The following TMED10 variants were observed in gnomAD, a reference collection of about 807,000 sequenced individuals.
The protein encoded by TMED10 is transmembrane emp24 domain-containing protein 10.
TMED10 carries 7 observed loss-of-function variants against 23.1 expected under a neutral mutation model. The ratio of observed to expected loss-of-function variants is 0.30; its 90% CI spans 0.17 to 0.57. The LOEUF (loss-of-function observed/expected upper bound fraction) is 0.57. TMED10 is among the 20% of genes least tolerant of loss of function. TMED10 has a pLI of 0.91. For synonymous variants in TMED10, 113 were observed against 106.9 expected, an observed-to-expected ratio of 1.06 and a Z score of -0.35; for missense variants, 162 against 274.8, an observed-to-expected ratio of 0.59 and a Z score of 2.90.
chr14:75,139,210 AATCT>A, intron 3 of TMED10: 1 of 440,420 alleles, frequency 2.3e-6, no homozygotes, highest in East Asian at 7.1e-5. Context: ...TATAACTTAA[AATCT>A]ATTTATAAAT....
intron 3 of TMED10, among the ~76,000 whole-genome samples, chr14:75,137,361 CAT>C (rs970196443): frequency 3.3e-5 from 5 of 150,176 alleles, no homozygotes; most frequent in South Asian, 2.1e-4. Context: ...AAAGTTTCCA[CAT>C]AGAGAATTCT....
chr14:75,156,040 G>A (rs1896015926), intron 1 of TMED10, among the ~76,000 whole-genome samples: 1 of 152,130 alleles, frequency 6.6e-6, no homozygotes, highest in African/African-American at 2.4e-5. Context: ...AGAATAGCAT[G>A]CTAAGGAGTT....
intron 3 of TMED10, among the ~76,000 whole-genome samples, chr14:75,139,630 C>T (rs1011940023): frequency 3.4e-5 from 4 of 115,942 alleles, no homozygotes; most frequent in African/African-American, 9.1e-5. Context: ...ACTGAGACTC[C>T]GACTCAAAAA....
At chr14:75,166,939 C>CTTTTT (rs35308116) in intron 1 of TMED10, among the ~76,000 whole-genome samples, 2 of 114,558 alleles carry the variant, frequency 1.7e-5, no homozygotes, top group African/African-American at 6.8e-5. Context: ...CATCCTATTC[C>CTTTTT]TTTTTTTTTT....
intron 1 of TMED10, among the ~76,000 whole-genome samples, chr14:75,170,123 A>T: frequency 6.6e-6 from 1 of 152,114 alleles, no homozygotes; most frequent in Non-Finnish European, 1.5e-5. Flanking sequence ...GCTACTTGGG[A>T]GGCTGAGGCA....
Position 75,168,670 on chromosome 14 carries a change from G to A in TMED10, c.225+7685C>T, listed in dbSNP as rs529189495. Reference sequence around the variant, plus strand: ...GCAAGACCCACATAACCTTTAAATGGTGGAGCTGCTGGGATCTGAACCAAA... The same window carrying A: ...GCAAGACCCACATAACCTTTAAATGATGGAGCTGCTGGGATCTGAACCAAA... On this transcript the variant is annotated intron_variant, in intron 1 of 4. Coordinates refer to ENST00000303575, the MANE Select transcript of TMED10 (RefSeq NM_006827.6). Among the ~76,000 whole-genome samples, 151 of 152,248 alleles carry A rather than the reference G, an allele frequency of 9.9e-4. 8 individuals carry two copies. In the South Asian group the frequency reaches 0.03, roughly 30 times the overall value.
rs1329520102 is a variant in TMED10, at chr14:75,135,818, A to G, written c.480T>C (p.Ser160=). 6.2e-7 allele frequency: 1 copy of G among 1,614,200 alleles called. No homozygotes were observed. The highest frequency in any genetic ancestry group is 1.7e-5 in the Admixed American group (1 of 60,028). Residue 160 remains serine, a synonymous_variant, in exon 4 of 5, where the codon TCT becomes TCC. Transcript: ENST00000303575. ...ELRRLEDLSE[S]IVNDFAYMKK... ...TCATGTAGGCAAAATCATTAACAAT[A>G]GATTCTGAAAGGTCTTCTAGGCGTC...
intron 1 of TMED10, among the ~76,000 whole-genome samples, chr14:75,168,625 A>G (rs1409411331): frequency 6.6e-6 from 1 of 152,204 alleles, no homozygotes; most frequent in Admixed American, 6.5e-5. Context: ...GGACCAGAGA[A>G]GAAGGGTTAA....
In TMED10 at chr14:75,147,185, G is replaced by GTTT. The variant is rs71119349; in HGVS notation, c.411+476_411+478dup. ...ACAGCCAGAATTATTCTTCAAGGCTGTTTTTTTTTTTTTTTTTTTTTGAGA... is the reference window on the plus strand; with the variant it reads ...ACAGCCAGAATTATTCTTCAAGGCTGTTTTTTTTTTTTTTTTTTTTTTTTGAGA... On this transcript the variant is annotated intron_variant, in intron 3 of 4. Coordinates refer to ENST00000303575, the MANE Select transcript of TMED10 (RefSeq NM_006827.6). Among the ~76,000 whole-genome samples the GTTT allele has an allele frequency of 1.3e-4, 15 of 116,572 alleles. 1 individual carries two copies. Among genetic ancestry groups the GTTT allele is most frequent in the African/African-American group, 5.0e-4 (13 of 26,254 alleles). The allele number at this position is 116,572 out of a possible 152,430, so 76.5% of individuals were successfully genotyped here.
At chr14:75,141,248 G>A (rs1895818803) in intron 3 of TMED10, among the ~76,000 whole-genome samples, 1 of 152,202 alleles carries the variant, frequency 6.6e-6, no homozygotes, top group African/African-American at 2.4e-5. Flanking sequence ...ATTCAAGGCT[G>A]AGGGGAACCT....
rs552707185 is a variant in TMED10, at chr14:75,162,855, C to G, written c.226-10712G>C. Among the ~76,000 whole-genome samples the G allele has an allele frequency of 8.6e-5, 13 of 151,906 alleles. No individual in the cohort carries two copies. The South Asian group carries it at 2.7e-3, about 32-fold the overall frequency. On this transcript the variant is annotated intron_variant, in intron 1 of 4. Transcript: ENST00000303575. Reference sequence around the variant, plus strand: ...CTCTGTGGTCTTCCTCCCCAAAACCCATAACCTCACCTTATCATGAGAAAA... The same window carrying G: ...CTCTGTGGTCTTCCTCCCCAAAACCGATAACCTCACCTTATCATGAGAAAA...
intron 1 of TMED10, among the ~76,000 whole-genome samples, chr14:75,174,357 T>C (rs898244040): frequency 2.0e-5 from 3 of 152,042 alleles, no homozygotes; most frequent in South Asian, 4.1e-4. Flanking sequence ...ACAAAGCATG[T>C]TGAGAAATTT....
Position 75,132,837 on chromosome 14 carries a change from A to T in TMED10, c.*2048T>A, listed in dbSNP as rs1186453642. ...GTAATTCTTGCCACTGTGATTAAAC[A>T]AGCCCTGTAATAGTCAGCAGGGTTA... On this transcript the variant is annotated 3_prime_UTR_variant, in exon 5 of 5. Transcript: ENST00000303575. The T allele has an allele frequency of 6.6e-6, 1 of 152,606 alleles. No individual in the cohort carries two copies. The highest frequency in any genetic ancestry group is 6.5e-5 in the Admixed American group (1 of 15,288). 9.5% of individuals were successfully genotyped at this position (152,606 alleles called of 1,614,324 possible).
intron 3 of TMED10, among the ~76,000 whole-genome samples, chr14:75,145,583 C>T (rs1415865380): frequency 1.3e-5 from 2 of 152,078 alleles, no homozygotes; most frequent in Non-Finnish European, 2.9e-5. Flanking sequence ...GTCAGGAGAT[C>T]GAGACCATCC....
chr14:75,145,183 G>A (rs751124925), intron 3 of TMED10, among the ~76,000 whole-genome samples: 43 of 152,318 alleles, frequency 2.8e-4, no homozygotes, highest in Middle Eastern at 3.4e-3. Context: ...GTAACTACAT[G>A]CGTAAAGGCA....
Position 75,134,541 on chromosome 14 carries a change from G to T in TMED10, c.*344C>A, listed in dbSNP as rs1895724775. The stretch of plus-strand genomic sequence containing the variant: ...AGCCCAAGCTGCTGAGCAAGTGGGA[G>T]AAGAAAAGAAAACATAGTCCAAACA... On this transcript the variant is annotated 3_prime_UTR_variant, in exon 5 of 5. Transcript: ENST00000303575. The T allele has an allele frequency of 5.7e-6, 1 of 174,052 alleles. No individual in the cohort carries two copies. The highest frequency in any genetic ancestry group is 2.4e-5 in the African/African-American group (1 of 42,374). 10.8% of individuals were successfully genotyped at this position (174,052 alleles called of 1,614,324 possible). A position where few individuals can be genotyped will look rare whatever the true frequency, so the allele number is the denominator to read the frequency against.
intron 1 of TMED10, among the ~76,000 whole-genome samples, chr14:75,152,419 G>A (rs1895965865): frequency 6.6e-6 from 1 of 152,162 alleles, no homozygotes; most frequent in Non-Finnish European, 1.5e-5. Context: ...TCTAGCTAAT[G>A]CTCCAAGTTA....
intron 1 of TMED10, among the ~76,000 whole-genome samples, chr14:75,153,192 T>G (rs1223760343): frequency 6.6e-6 from 1 of 152,008 alleles, no homozygotes; most frequent in Non-Finnish European, 1.5e-5. Flanking sequence ...TAGCCAGGCA[T>G]GGTGGTGCGC....
At chr14:75,144,922 G>T (rs909542422) in intron 3 of TMED10, among the ~76,000 whole-genome samples, 9 of 152,356 alleles carry the variant, frequency 5.9e-5, no homozygotes, top group Non-Finnish European at 8.8e-5. Context: ...GCCTCCCAAA[G>T]TGCTGGGATT....
Sources: gnomAD v4.1 joint callset for allele counts (sites outside exome capture counted in the v4.1 genomes callset) on GRCh38, gnomAD v4.1.1 for gene constraint, MANE v1.5 for transcripts, NCBI Gene and HGNC (gene_info 2026-07-23, HGNC 2026-07-21) for gene names.